Variants in JAKMIP1 observed in about 807,000 individuals in gnomAD.
JAKMIP1 encodes janus kinase and microtubule interacting protein 1.
JAKMIP1 carries 33 observed loss-of-function variants against 113.0 expected under a neutral mutation model. The ratio of observed to expected loss-of-function variants is 0.29; its 90% CI spans 0.22 to 0.39. The LOEUF (loss-of-function observed/expected upper bound fraction) is 0.39. Ranked by LOEUF, JAKMIP1 falls within the 10% of genes least tolerant of loss-of-function variation. The pLI is 1.00. For missense variants in JAKMIP1, 813 were observed against 1,080.5 expected, an observed-to-expected ratio of 0.75 and a Z score of 3.47; for synonymous variants, 480 against 459.9, an observed-to-expected ratio of 1.04 and a Z score of -0.56.
chr4:6,034,899 C>T (rs577621429), intron 19 of JAKMIP1, among the ~76,000 whole-genome samples: 1 of 152,134 alleles, frequency 6.6e-6, no homozygotes, highest in Admixed American at 6.5e-5. Flanking sequence ...GCAGATGAGC[C>T]TCCATAATGT....
At chr4:6,028,686 C>T (rs943421934) in intron 20 of JAKMIP1, among the ~76,000 whole-genome samples, 1 of 152,170 alleles carries the variant, frequency 6.6e-6, no homozygotes, top group African/African-American at 2.4e-5. Context: ...CCCAGAGATG[C>T]CCCTTCTACC....
chr4:6,079,690 C>T (rs1026663534), intron 7 of JAKMIP1, among the ~76,000 whole-genome samples: 3 of 152,126 alleles, frequency 2.0e-5, no homozygotes, highest in African/African-American at 4.8e-5. Context: ...GATGCACGCC[C>T]CATATACACG....
Position 6,088,273 on chromosome 4 carries a change from GA to G in JAKMIP1, c.625-2645del, listed in dbSNP as rs1296247884. Among the ~76,000 whole-genome samples the G allele has an allele frequency of 7.9e-5, 12 of 151,964 alleles. No individual in the cohort carries two copies. The highest frequency in any genetic ancestry group is 2.1e-4 in the South Asian group (1 of 4,798). ...TGAGAGTGATTTGTGCTATGAGGGG[GA>G]AAAAAAACAATAACAACATCAAAGC... On this transcript the variant is annotated intron_variant, in intron 3 of 20. Transcript: ENST00000409021. This position sits in a 1 kb window ranked among gnomAD's most constrained non-coding sequence, Gnocchi z 5.5.
chr4:6,098,573 A>G (rs372425398), intron 3 of JAKMIP1, among the ~76,000 whole-genome samples: 37 of 74,742 alleles, frequency 5.0e-4, no homozygotes, highest in Non-Finnish European at 8.4e-4. Context: ...AAAGAAAGAA[A>G]GAAAGAAAGA....
chr4:6,109,404 A>C (rs1714545310), intron 2 of JAKMIP1, among the ~76,000 whole-genome samples: 2 of 151,808 alleles, frequency 1.3e-5, no homozygotes, highest in South Asian at 4.2e-4. Flanking sequence ...AAGTGCTGAG[A>C]TTACAGGCAT....
At chr4:6,038,834 C>T (rs1253680306) in intron 18 of JAKMIP1, among the ~76,000 whole-genome samples, 1 of 152,202 alleles carries the variant, frequency 6.6e-6, no homozygotes, top group Non-Finnish European at 1.5e-5. Context: ...CCAGGAGACC[C>T]CTGCGTGGCC....
In JAKMIP1 at chr4:6,044,252, T is replaced by C. The variant is rs1714710280; in HGVS notation, c.2029-2025A>G. Among the ~76,000 whole-genome samples, 1 of 152,110 alleles carries C rather than the reference T, an allele frequency of 6.6e-6. No individual in the cohort carries two copies. The highest frequency in any genetic ancestry group is 2.4e-5 in the African/African-American group (1 of 41,428). ...CTTGAAGGTGGGGACCACATTTGCC[T>C]CCTGTTGGACTTCCTTGCCTGGCAC... is the stretch of plus-strand genomic sequence containing the variant. On this transcript the variant is annotated intron_variant, in intron 16 of 20. Transcript: ENST00000409021. This position sits in a 1 kb window ranked among gnomAD's most constrained non-coding sequence, Gnocchi z 4.4.
In JAKMIP1 at chr4:6,126,897, A is replaced by T. The variant is rs76558991; in HGVS notation, c.-147-13900T>A. Reference sequence around the variant, plus strand: ...TACCACATATGCCACATACACACACACACCACAGATACACACCACACACAA... The same window carrying T: ...TACCACATATGCCACATACACACACTCACCACAGATACACACCACACACAA... On this transcript the variant is annotated intron_variant, in intron 1 of 20. Transcript: ENST00000409021. 1.2e-3 allele frequency among the ~76,000 whole-genome samples: 183 copies of T among 152,042 alleles called. 1 individual carries two copies. Among genetic ancestry groups the T allele is most frequent in the African/African-American group, 4.0e-3 (168 of 41,490 alleles).
Position 6,139,782 on chromosome 4 carries a change from T to G in JAKMIP1, c.-147-26785A>C, listed in dbSNP as rs989373772. Among the ~76,000 whole-genome samples, 2 of 148,864 alleles carry G rather than the reference T, an allele frequency of 1.3e-5. No homozygotes were observed. The highest frequency in any genetic ancestry group is 4.9e-5 in the African/African-American group (2 of 40,584). Reference sequence around the variant, plus strand: ...CTCCATCTCAAAATATAAAATAAAATAAAATAAAATAAAATAAAATAAGGA... The same window carrying G: ...CTCCATCTCAAAATATAAAATAAAAGAAAATAAAATAAAATAAAATAAGGA... On this transcript the variant is annotated intron_variant, in intron 1 of 20. Coordinates refer to ENST00000409021, the MANE Select transcript of JAKMIP1 (RefSeq NM_001099433.2). The surrounding 1 kb of genome is among the most constrained non-coding windows in gnomAD (Gnocchi z 5.2).
In JAKMIP1 at chr4:6,116,118, G is replaced by A. The variant is rs147548994; in HGVS notation, c.-147-3121C>T. On this transcript the variant is annotated intron_variant, in intron 1 of 20. Coordinates refer to ENST00000409021, the MANE Select transcript of JAKMIP1 (RefSeq NM_001099433.2). This position sits in a 1 kb window ranked among gnomAD's most constrained non-coding sequence, Gnocchi z 5.1. ...CGAATGGAGTGCAGGAGGGGAAGATGTCCAAAGTTCTGGGCCAAGTCAATC... is the reference window on the plus strand; with the variant it reads ...CGAATGGAGTGCAGGAGGGGAAGATATCCAAAGTTCTGGGCCAAGTCAATC... 6.6e-6 allele frequency among the ~76,000 whole-genome samples: 1 copy of A among 152,240 alleles called. No individual in the cohort carries two copies. The highest frequency in any genetic ancestry group is 1.5e-5 in the Non-Finnish European group (1 of 68,004).
chr4:6,127,729 G>A (rs1043474006), intron 1 of JAKMIP1, among the ~76,000 whole-genome samples: 4 of 152,178 alleles, frequency 2.6e-5, no homozygotes, highest in East Asian at 1.9e-4. Context: ...TCCCTGACAC[G>A]TGGTCCCCCA....
chr4:6,105,877 C>T lies in JAKMIP1; in HGVS notation c.220G>A (p.Ala74Thr). ...TTGGTCTTCTCCTCATGCAGCTTGG[C>T]CTTGAGCTCCGAAATGTAGGCCGTG... ...RHTAYISELKAKLHEEKTKEL... is the reference protein window; with the variant it reads ...RHTAYISELKTKLHEEKTKEL... Residue 74 changes from alanine (A) to threonine (T), a missense_variant, in exon 3 of 21, where the codon GCC becomes ACC. Ala to Thr is a moderately conservative substitution (Grantham distance 58, BLOSUM62 0). Around this residue, in one of 2 missense-constraint regions of JAKMIP1, gnomAD observed 540 missense variants for 653.9 expected, o/e 0.83. Coordinates refer to ENST00000409021, the MANE Select transcript of JAKMIP1 (RefSeq NM_001099433.2). 1 of 1,612,184 alleles carries T rather than the reference C, an allele frequency of 6.2e-7. No individual in the cohort carries two copies. The highest frequency in any genetic ancestry group is 1.1e-5 in the South Asian group (1 of 91,086).
At chr4:6,035,492 T>C (rs1400538460) in intron 19 of JAKMIP1, among the ~76,000 whole-genome samples, 1 of 152,060 alleles carries the variant, frequency 6.6e-6, no homozygotes, top group Non-Finnish European at 1.5e-5. Flanking sequence ...TTGGAAGACA[T>C]TGAGGTTTTC....
intron 12 of JAKMIP1, 78 bp downstream of exon 12, chr4:6,056,619 G>A (rs898147638): frequency 1.1e-5 from 12 of 1,108,350 alleles, no homozygotes; most frequent in Admixed American, 8.5e-5. Flanking sequence ...CGCTGGGCAC[G>A]ACCCGTGTAG....
In JAKMIP1 at chr4:6,112,817, G is replaced by T. The variant is rs758646645; in HGVS notation, c.34C>A (p.Pro12Thr). ...SKKGRSKGEK[P>T]EMETDAVQMA... ...TGCACCGCGTCCGTCTCCATCTCGG[G>T]CTTCTCGCCCTTGCTCCGGCCTTTC... The change falls in exon 2 of 21, where the codon CCC (proline) becomes ACC (threonine). Residue 12 changes from proline (P) to threonine (T), a missense_variant. Coordinates refer to ENST00000409021, the MANE Select transcript of JAKMIP1 (RefSeq NM_001099433.2). The T allele has an allele frequency of 1.2e-6, 2 of 1,614,042 alleles. No homozygotes were observed. The highest frequency in any genetic ancestry group is 1.7e-6 in the Non-Finnish European group (2 of 1,180,034).
At chr4:6,152,789 A>AATATATATATACATATATAT (rs1721737145) in intron 1 of JAKMIP1, among the ~76,000 whole-genome samples, 3 of 135,294 alleles carry the variant, frequency 2.2e-5, no homozygotes, top group African/African-American at 8.6e-5. Flanking sequence ...TAAAAATACA[A>AATATATATATACATATATAT]ATATATATAT....
chr4:6,050,750 C>G lies in JAKMIP1; in HGVS notation c.1807-71G>C. On this transcript the variant is annotated intron_variant, in intron 13 of 20. Transcript: ENST00000409021. The surrounding 1 kb of genome is among the most constrained non-coding windows in gnomAD (Gnocchi z 7.4). Reference sequence around the variant, plus strand: ...TACCACTTGCCATTTTCCCACGTTACTCAGCAAAAACCAAGGAATTCCAGT... The same window carrying G: ...TACCACTTGCCATTTTCCCACGTTAGTCAGCAAAAACCAAGGAATTCCAGT... 7.8e-7 allele frequency: 1 copy of G among 1,289,482 alleles called. No individual in the cohort carries two copies. The highest frequency in any genetic ancestry group is 2.0e-5 in the Admixed American group (1 of 48,992). The allele number at this position is 1,289,482 out of a possible 1,614,324, so 79.9% of individuals were successfully genotyped here.
rs1277588196 is a variant in JAKMIP1 at position 6,139,698 on chromosome 4, G to A, written c.-147-26701C>T. On this transcript the variant is annotated intron_variant, in intron 1 of 20. Coordinates refer to ENST00000409021, the MANE Select transcript of JAKMIP1 (RefSeq NM_001099433.2). The surrounding 1 kb of genome is among the most constrained non-coding windows in gnomAD (Gnocchi z 5.2). ...GGAGAATCGCCTGAACCCAGGAGGCGGAGGTTGCAGTGAGCCAAGACCATG... is the reference window on the plus strand; with the variant it reads ...GGAGAATCGCCTGAACCCAGGAGGCAGAGGTTGCAGTGAGCCAAGACCATG... 5.3e-5 allele frequency among the ~76,000 whole-genome samples: 8 copies of A among 152,118 alleles called. No individual in the cohort carries two copies. Among genetic ancestry groups the A allele is most frequent in the East Asian group, 3.9e-4 (2 of 5,184 alleles).
intron 1 of JAKMIP1, among the ~76,000 whole-genome samples, chr4:6,144,428 T>C (rs9993467): frequency 0.84 from 128,353 of 152,230 alleles, 56,847 homozygotes; most frequent in East Asian, 1. Context: ...AAAGATATCA[T>C]ATGAAAACTA....
Sources: gnomAD v4.1 joint callset for allele counts (sites outside exome capture counted in the v4.1 genomes callset) on GRCh38, gnomAD v4.1.1 for gene constraint, gnomAD v4.1.1 regional missense constraint, Gnocchi (gnomAD v3.1) non-coding constraint, MANE v1.5 for transcripts, NCBI Gene and HGNC (gene_info 2026-07-23, HGNC 2026-07-21) for gene names.